PTPRQ: variants seen among roughly 807,000 people sequenced by gnomAD.
The protein encoded by PTPRQ is phosphatidylinositol phosphatase PTPRQ.
Under a neutral mutation model 246.0 loss-of-function variants are expected in PTPRQ, and 199 were observed. That is an observed-to-expected ratio of 0.81 (90% CI 0.72 to 0.91). The LOEUF (loss-of-function observed/expected upper bound fraction) is 0.91, where lower values mean the gene tolerates loss of function less well. PTPRQ is among the 40% of genes least tolerant of loss of function. The pLI is 0.00. For missense variants in PTPRQ, 2,624 were observed against 2,528.4 expected (o/e 1.04, Z -0.81); for synonymous variants, 869 against 853.2 (o/e 1.02, Z -0.32).
intron 8 of PTPRQ, among the ~76,000 whole-genome samples, chr12:80,483,387 GA>G (rs1421722065): frequency 1.9e-5 from 2 of 104,818 alleles, no homozygotes; most frequent in Non-Finnish European, 3.7e-5. Flanking sequence ...GGGGTGGGGG[GA>G]GGGGGGAGGG....
At chr12:80,543,127 A>T (rs1237036620) in intron 23 of PTPRQ, among the ~76,000 whole-genome samples, 1 of 152,090 alleles carries the variant, frequency 6.6e-6, no homozygotes, top group Non-Finnish European at 1.5e-5. Context: ...AATTTAAGAA[A>T]CAGTTGCATC....
intron 35 of PTPRQ, among the ~76,000 whole-genome samples, chr12:80,647,210 A>G (rs1900105271): frequency 6.6e-6 from 1 of 152,174 alleles, no homozygotes; most frequent in South Asian, 2.1e-4. Context: ...CTGTCACTAA[A>G]TCATATATAT....
chr12:80,581,866 C>T (rs1897449697), intron 25 of PTPRQ, among the ~76,000 whole-genome samples: 1 of 152,134 alleles, frequency 6.6e-6, no homozygotes, highest in African/African-American at 2.4e-5. Context: ...ATAAGCTTCA[C>T]ACTGAAACAG....
chr12:80,546,560 T>C lies in PTPRQ; in HGVS notation c.3878T>C (p.Ile1293Thr), dbSNP rs1334827766. 1.2e-5 allele frequency: 18 copies of C among 1,546,634 alleles called. No homozygotes were observed. The highest frequency in any genetic ancestry group is 1.6e-5 in the Non-Finnish European group (18 of 1,145,806). The change falls in exon 24 of 45, where the codon ATA (isoleucine) becomes ACA (threonine). Residue 1293 changes from isoleucine (I) to threonine (T), a missense_variant. Transcript: ENST00000644991. Reference protein sequence around the residue: ...HETDTIYYKNISGFKTEAKLV... With the variant: ...HETDTIYYKNTSGFKTEAKLV... ...AACTTTTTTTCTGTTTTTCAGAATA[T>C]ATCAGGATTTAAAACTGAAGCCAAA...
chr12:80,560,429 A>G (rs1306623261), intron 25 of PTPRQ, among the ~76,000 whole-genome samples: 1 of 152,226 alleles, frequency 6.6e-6, no homozygotes, highest in African/African-American at 2.4e-5. Context: ...CCTACTACCC[A>G]TACTAACTTA....
intron 25 of PTPRQ, among the ~76,000 whole-genome samples, chr12:80,571,714 T>G (rs1039498715): frequency 6.6e-5 from 10 of 152,120 alleles, no homozygotes; most frequent in Non-Finnish European, 1.5e-5. Flanking sequence ...TGAGAAGTGA[T>G]TCAAAGTTTT....
At chr12:80,561,529 T>C (rs1896826165) in intron 25 of PTPRQ, 1 of 152,090 alleles carries the variant, frequency 6.6e-6, no homozygotes, top group African/African-American at 2.4e-5. Context: ...TCCATCTCCA[T>C]GGTTCACTCC....
At chr12:80,560,360 T>C (rs1896788044) in intron 25 of PTPRQ, among the ~76,000 whole-genome samples, 1 of 152,226 alleles carries the variant, frequency 6.6e-6, no homozygotes. Flanking sequence ...TTTGTTTAAA[T>C]TCTTCACATC....
chr12:80,482,057 C>T (rs562484523), intron 8 of PTPRQ, among the ~76,000 whole-genome samples: 17 of 149,946 alleles, frequency 1.1e-4, no homozygotes, highest in East Asian at 5.8e-4. Context: ...AAAAAGAGCC[C>T]GCATCGCCAA....
intron 8 of PTPRQ, among the ~76,000 whole-genome samples, chr12:80,482,368 A>G (rs1894098862): frequency 6.6e-6 from 1 of 152,246 alleles, no homozygotes; most frequent in Non-Finnish European, 1.5e-5. Context: ...TTATACAAAA[A>G]TTAATTCAAG....
intron 25 of PTPRQ, among the ~76,000 whole-genome samples, chr12:80,555,131 GTA>G (rs1399402258): frequency 6.6e-6 from 1 of 152,100 alleles, no homozygotes; most frequent in Non-Finnish European, 1.5e-5. Flanking sequence ...GCCAGTCTGG[GTA>G]TCGAACTCCT....
rs1299819876 is a variant in PTPRQ, at chr12:80,622,047, T to A, written c.5613-14T>A. The A allele has an allele frequency of 3.7e-6, 5 of 1,360,304 alleles. No homozygotes were observed. The highest frequency in any genetic ancestry group is 3.3e-5 in the South Asian group (2 of 60,228). 84.3% of individuals were successfully genotyped at this position (1,360,304 alleles called of 1,614,324 possible). A position where few individuals can be genotyped will look rare whatever the true frequency, so the allele number is the denominator to read the frequency against. On this transcript the variant is annotated splice_polypyrimidine_tract_variant and intron_variant, in intron 32 of 44. Transcript: ENST00000644991. ...GATATGCAAAGTGTTGATTTTTCTTTTTTTATTTTATAGATTTAAATTTAG... is the reference window on the plus strand; with the variant it reads ...GATATGCAAAGTGTTGATTTTTCTTATTTTATTTTATAGATTTAAATTTAG...
Position 80,445,729 on chromosome 12 carries a change from G to A in PTPRQ, c.390+12G>A, listed in dbSNP as rs1181678988. On this transcript the variant is annotated intron_variant, in intron 3 of 44. Transcript: ENST00000644991. ...CATATGAAATTAAGGTAATTATTTT[G>A]TGTATGACTACTTAGTGTTCAAACA... The A allele has an allele frequency of 1.4e-6, 2 of 1,443,048 alleles. No homozygotes were observed. The highest frequency in any genetic ancestry group is 2.8e-5 in the African/African-American group (2 of 70,682). The allele number at this position is 1,443,048 out of a possible 1,614,324, so 89.4% of individuals were successfully genotyped here.
At position 80,611,244 on chromosome 12, in the gene PTPRQ, C is replaced by T. The variant is rs552335158; in HGVS notation, c.4918+619C>T. On this transcript the variant is annotated intron_variant, in intron 28 of 44. Transcript: ENST00000644991. ...AGAAATAAATTTGGAAATCAACATC[C>T]CAGAACTTGCTTGCCCCATCCTCCT... Among the ~76,000 whole-genome samples the T allele has an allele frequency of 9.3e-5, 14 of 150,314 alleles. No individual in the cohort carries two copies. The South Asian group carries it at 2.7e-3, about 29-fold the overall frequency.
At chr12:80,500,133 C>T (rs570491669) in intron 14 of PTPRQ, among the ~76,000 whole-genome samples, 27 of 152,012 alleles carry the variant, frequency 1.8e-4, no homozygotes, top group Non-Finnish European at 3.5e-4. Flanking sequence ...GCTTTATATG[C>T]CAAACAATAG....
chr12:80,500,879 G>A (rs1266284573), intron 14 of PTPRQ, among the ~76,000 whole-genome samples: 1 of 151,972 alleles, frequency 6.6e-6, no homozygotes, highest in Non-Finnish European at 1.5e-5. Context: ...ATTTTTGGTA[G>A]TGGTAAGTTT....
intron 17 of PTPRQ, among the ~76,000 whole-genome samples, chr12:80,520,046 C>A (rs1895423729): frequency 6.6e-6 from 1 of 152,104 alleles, no homozygotes; most frequent in African/African-American, 2.4e-5. Context: ...GGGGGGGATA[C>A]ATGTCTTAAC....
chr12:80,555,589 G>C (rs1896621109), intron 25 of PTPRQ, among the ~76,000 whole-genome samples: 1 of 150,748 alleles, frequency 6.6e-6, no homozygotes, highest in Non-Finnish European at 1.5e-5. Context: ...GCATGATTCT[G>C]ATTGCTCTCA....
intron 39 of PTPRQ, among the ~76,000 whole-genome samples, chr12:80,659,071 A>G (rs902301828): frequency 1.3e-5 from 2 of 152,062 alleles, no homozygotes; most frequent in African/African-American, 2.4e-5. Flanking sequence ...CAAAGGAGTG[A>G]ATAATGGGAG....
Sources: gnomAD v4.1 joint callset for allele counts (sites outside exome capture counted in the v4.1 genomes callset) on GRCh38, gnomAD v4.1.1 for gene constraint, MANE v1.5 for transcripts, NCBI Gene and HGNC (gene_info 2026-07-23, HGNC 2026-07-21) for gene names.